CHD5: variants seen among roughly 807,000 people sequenced by gnomAD.
CHD5 encodes the protein chromodomain helicase DNA binding protein 5.
In CHD5, 69 loss-of-function variants were observed where a neutral mutation model predicts 230.3. That is an observed-to-expected ratio of 0.30 (90% confidence interval 0.25 to 0.37). The LOEUF (loss-of-function observed/expected upper bound fraction) is 0.37. Among genes scored for constraint, CHD5 ranks in the 10% least tolerant of loss-of-function variants. CHD5 has a pLI of 1.00. For missense variants in CHD5, 1,827 were observed against 2,622.8 expected (o/e 0.70, Z 6.63); for synonymous variants, 1,064 against 1,065.9 (o/e 1.00, Z 0.03).
intron 1 of CHD5, among the ~76,000 whole-genome samples, chr1:6,169,063 A>G (rs1002105760): frequency 2.8e-4 from 42 of 151,688 alleles, no homozygotes; most frequent in Non-Finnish European, 5.4e-4. Context: ...GAGCACAGGG[A>G]CACTCAAGCC....
At chr1:6,107,861 G>A (rs1666218323) in intron 38 of CHD5, among the ~76,000 whole-genome samples, 1 of 147,126 alleles carries the variant, frequency 6.8e-6, no homozygotes, top group African/African-American at 2.5e-5. Context: ...ATGGAGGGAT[G>A]GAGGGATGAT....
In CHD5 at chr1:6,112,134, C is replaced by T. The variant is rs780137820; in HGVS notation, c.5140+6G>A. 10 of 1,612,558 alleles carry T rather than the reference C, an allele frequency of 6.2e-6. No individual in the cohort carries two copies. In the South Asian group the frequency reaches 1.1e-4, roughly 18 times the overall value. ...CAGCTCTCTGCCCAACCCCCAACCC[C>T]AATACCCGTGAAGCCCCCGTCCGCG... is the stretch of plus-strand genomic sequence containing the variant. On this transcript the variant is annotated splice_donor_region_variant and intron_variant, in intron 35 of 41. Transcript: ENST00000262450.
chr1:6,175,858 C>T lies in CHD5; in HGVS notation c.79+4087G>A, dbSNP rs1200800133. Among the ~76,000 whole-genome samples, 9 of 151,476 alleles carry T rather than the reference C, an allele frequency of 5.9e-5. 1 individual carries two copies. Among genetic ancestry groups the T allele is most frequent in the Admixed American group, 5.9e-4 (9 of 15,212 alleles). ...GGATGGATGGATGGATGGTGGGAAG[C>T]ATGGACGAATAGTGCATGGATGAAT... On this transcript the variant is annotated intron_variant, in intron 1 of 41. Coordinates refer to ENST00000262450, the MANE Select transcript of CHD5 (RefSeq NM_015557.3).
In CHD5 at chr1:6,134,108, G is replaced by C. The variant is rs767054405; in HGVS notation, c.3144+20C>G. The C allele has an allele frequency of 7.5e-6, 12 of 1,608,206 alleles. No individual in the cohort carries two copies. Among genetic ancestry groups the C allele is most frequent in the Admixed American group, 3.3e-5 (2 of 59,968 alleles). ...CTGTGGGGTGTGGAGCCGGGGCGGG[G>C]GTGGGCAGGGGCAGCGCACCTGGGA... On this transcript the variant is annotated intron_variant, in intron 20 of 41. Coordinates refer to ENST00000262450, the MANE Select transcript of CHD5 (RefSeq NM_015557.3). This position sits in a 1 kb window ranked among gnomAD's most constrained non-coding sequence, Gnocchi z 6.3.
Position 6,155,727 on chromosome 1 carries a change from C to A in CHD5, c.388-10G>T. The A allele has an allele frequency of 6.2e-7, 1 of 1,610,588 alleles. No homozygotes were observed. Among genetic ancestry groups the A allele is most frequent in the Non-Finnish European group, 8.5e-7 (1 of 1,176,964 alleles). ...CCGAGGACTTGGGCTCCTACAGAGA[C>A]CCAGGCCAGAGGTAGAGTTGTTGAG... On this transcript the variant is annotated splice_polypyrimidine_tract_variant and intron_variant, in intron 3 of 41. Transcript: ENST00000262450. This position sits in a 1 kb window ranked among gnomAD's most constrained non-coding sequence, Gnocchi z 4.0.
chr1:6,151,622 G>A (rs1311505421), intron 6 of CHD5, among the ~76,000 whole-genome samples: 1 of 152,192 alleles, frequency 6.6e-6, no homozygotes, highest in East Asian at 1.9e-4. Flanking sequence ...ACAGGACCAC[G>A]GCCCACTGTG....
rs760159746 is a variant in CHD5 at position 6,131,659 on chromosome 1, G to A, written c.3234C>T (p.Leu1078=). 1 of 1,611,932 alleles carries A rather than the reference G, an allele frequency of 6.2e-7. No homozygotes were observed. Among genetic ancestry groups the A allele is most frequent in the Non-Finnish European group, 8.5e-7 (1 of 1,178,064 alleles). Residue 1078 remains leucine (L), a synonymous_variant, in exon 21 of 42, where the codon CTC becomes CTT. Transcript: ENST00000262450. This position sits in a 1 kb window ranked among gnomAD's most constrained non-coding sequence, Gnocchi z 5.0. ...ERIDGGITGG[L]RQEAIDRFNA... ...TGAATCTGTCGATTGCCTCCTGCCG[G>A]AGGCCCCCGGTGATGCCACCATCAA... is the stretch of plus-strand genomic sequence containing the variant.
intron 1 of CHD5, among the ~76,000 whole-genome samples, chr1:6,176,625 C>T (rs1362274019): frequency 6.6e-6 from 1 of 152,204 alleles, no homozygotes. Flanking sequence ...AGCTGCCCTC[C>T]TTGGCTGGTG....
chr1:6,110,175 T>C (rs1666262306), intron 37 of CHD5, among the ~76,000 whole-genome samples, 185 bp from the exon 38 acceptor site: 1 of 152,206 alleles, frequency 6.6e-6, no homozygotes, highest in Non-Finnish European at 1.5e-5. Flanking sequence ...CTGGGTTCTC[T>C]GTACCCCAAC....
chr1:6,150,757 C>G (rs1012167297), intron 7 of CHD5, among the ~76,000 whole-genome samples: 1 of 152,130 alleles, frequency 6.6e-6, no homozygotes, highest in African/African-American at 2.4e-5. Flanking sequence ...ACTGCTAATG[C>G]AAATGCCCTG....
At chr1:6,161,021 G>A (rs1037444343) in intron 2 of CHD5, among the ~76,000 whole-genome samples, 1 of 152,212 alleles carries the variant, frequency 6.6e-6, no homozygotes, top group Admixed American at 6.5e-5. Flanking sequence ...CTGTTTTCGG[G>A]GTGAGCAAGG....
Position 6,128,822 on chromosome 1 carries a change from C to T in CHD5, c.3619+16G>A, listed in dbSNP as rs1010716645. On this transcript the variant is annotated intron_variant, in intron 23 of 41. Transcript: ENST00000262450. The surrounding 1 kb of genome is among the most constrained non-coding windows in gnomAD (Gnocchi z 7.8). ...ACCCCAGTCCCCTGCCACGCTCCCT[C>T]GGAACAGAGGCCCACCCTCCACGTC... 12 of 1,599,468 alleles carry T rather than the reference C, an allele frequency of 7.5e-6. No individual in the cohort carries two copies. The highest frequency in any genetic ancestry group is 6.6e-5 in the South Asian group (6 of 90,792).
chr1:6,127,413 G>C (rs560850464), intron 25 of CHD5, among the ~76,000 whole-genome samples: 1 of 152,244 alleles, frequency 6.6e-6, no homozygotes, highest in Non-Finnish European at 1.5e-5. Context: ...TTAAACCTGG[G>C]AGGCGTTGGT....
intron 2 of CHD5, among the ~76,000 whole-genome samples, chr1:6,165,109 A>G (rs1667231609): frequency 6.6e-6 from 1 of 152,264 alleles, no homozygotes; most frequent in South Asian, 2.1e-4. Context: ...GGCCAGTTGG[A>G]AAAGGGAAGG....
intron 38 of CHD5, among the ~76,000 whole-genome samples, chr1:6,107,081 GGTGGAAGGACGGACGA>G (rs1201148234): frequency 2.9e-3 from 404 of 140,482 alleles, no homozygotes; most frequent in East Asian, 5.1e-3. Context: ...ATGATGGAGG[GGTGGAAGGACGGACGA>G]ATGGAGGGGT....
Position 6,134,391 on chromosome 1 carries a change from C to G in CHD5, c.3013-132G>C. On this transcript the variant is annotated intron_variant, in intron 19 of 41. Coordinates refer to ENST00000262450, the MANE Select transcript of CHD5 (RefSeq NM_015557.3). The surrounding 1 kb of genome is among the most constrained non-coding windows in gnomAD (Gnocchi z 6.3). ...GCCTGTCTGCCCACTGAACATGAGA[C>G]CCACACCCGAGCCAGGCCAGGCCCC... 1 of 1,161,802 alleles carries G rather than the reference C, an allele frequency of 8.6e-7. No homozygotes were observed. The highest frequency in any genetic ancestry group is 1.2e-6 in the Non-Finnish European group (1 of 816,042). The allele number at this position is 1,161,802 out of a possible 1,614,324, so 72.0% of individuals were successfully genotyped here.
intron 2 of CHD5, among the ~76,000 whole-genome samples, chr1:6,160,699 C>A (rs1344672786): frequency 6.6e-6 from 1 of 152,286 alleles, no homozygotes; most frequent in Non-Finnish European, 1.5e-5. Context: ...TCCCCCTCTC[C>A]CACCCCATCC....
chr1:6,151,643 G>A (rs979404092), intron 6 of CHD5, among the ~76,000 whole-genome samples: 3 of 152,296 alleles, frequency 2.0e-5, no homozygotes, highest in South Asian at 2.1e-4. Context: ...GCTGAGCAGC[G>A]GGCCTGGTAC....
rs896243857 is a variant in CHD5 at position 6,167,881 on chromosome 1, G to C, written c.207+269C>G. Among the ~76,000 whole-genome samples the C allele has an allele frequency of 1.3e-5, 2 of 152,206 alleles. No individual in the cohort carries two copies. The highest frequency in any genetic ancestry group is 2.9e-5 in the Non-Finnish European group (2 of 68,042). On this transcript the variant is annotated intron_variant, in intron 2 of 41. Transcript: ENST00000262450. The surrounding 1 kb of genome is among the most constrained non-coding windows in gnomAD (Gnocchi z 4.5). ...CACCGTGGCGACGGAATCCAGCCCT[G>C]TCCCTCGCACAGGATAGGACAACGG...
Sources: allele counts gnomAD v4.1 joint callset (sites outside exome capture counted in the v4.1 genomes callset), GRCh38; gene constraint gnomAD v4.1.1; non-coding constraint Gnocchi (gnomAD v3.1); transcripts MANE v1.5; gene names NCBI Gene and HGNC (gene_info 2026-07-23, HGNC 2026-07-21).